SRPK2: variants seen among roughly 807,000 people sequenced by gnomAD.
SRPK2 encodes the protein SRSF protein kinase 2, also known as SFRS protein kinase 2.
SRPK2 carries 21 observed loss-of-function variants against 90.8 expected under a neutral mutation model. The observed-to-expected ratio is 0.23, with a 90% CI of 0.16 to 0.33. SRPK2 has a LOEUF of 0.33. Among genes scored for constraint, SRPK2 ranks in the 10% least tolerant of loss-of-function variants. The pLI, the probability that SRPK2 is intolerant of heterozygous loss-of-function variation, is 1.00. For synonymous variants in SRPK2, 288 were observed against 311.1 expected (o/e 0.93, Z 0.78); for missense variants, 620 against 869.0 (o/e 0.71, Z 3.60).
At chr7:105,316,041 TGAG>T (rs1812273527) in intron 2 of SRPK2, among the ~76,000 whole-genome samples, 1 of 135,492 alleles carries the variant, frequency 7.4e-6, no homozygotes. Flanking sequence ...TTTTTTTTTT[TGAG>T]ACTGAGTTTC....
At chr7:105,169,806 G>A (rs1790572919) in intron 3 of SRPK2, among the ~76,000 whole-genome samples, 1 of 152,096 alleles carries the variant, frequency 6.6e-6, no homozygotes, top group African/African-American at 2.4e-5. Context: ...ATGATAACTT[G>A]AGGTTCTCTA....
At chr7:105,281,879 A>G (rs761294147) in intron 2 of SRPK2, among the ~76,000 whole-genome samples, 2 of 152,200 alleles carry the variant, frequency 1.3e-5, no homozygotes, top group Non-Finnish European at 2.9e-5. Flanking sequence ...AGATGGCAAT[A>G]TTCCCCAAAT....
In SRPK2 at chr7:105,117,928, A is replaced by C; in HGVS notation, c.2010T>G (p.Phe670Leu). The change falls in exon 16 of 16, where the codon TTT (phenylalanine) becomes TTG (leucine). Residue 670 changes from phenylalanine (F) to leucine (L), a missense_variant. This residue lies in a region of SRPK2 where 71 missense variants were observed against 123.1 expected (regional missense o/e 0.58). Coordinates refer to ENST00000393651, the MANE Select transcript of SRPK2 (RefSeq NM_182692.3). ...CTAACATCGGGATCAGGAAATCTGT[A>C]AACTGTGCAGCATCTTCATGGGGCC... is the stretch of plus-strand genomic sequence containing the variant. ...YGWPHEDAAQ[F>L]TDFLIPMLEM... 6.2e-7 allele frequency: 1 copy of C among 1,614,212 alleles called. No individual in the cohort carries two copies. The highest frequency in any genetic ancestry group is 8.5e-7 in the Non-Finnish European group (1 of 1,180,030).
At position 105,169,275 on chromosome 7, in the gene SRPK2, C is replaced by CAAGA; in HGVS notation, c.230-14_230-11dup. On this transcript the variant is annotated splice_polypyrimidine_tract_variant and intron_variant, in intron 3 of 15. Transcript: ENST00000393651. ...ACTGGATGATATCCACCTTAAAAAA[C>CAAGA]AAGAAAGAAAGAAAAAAATTCAAAA... 8 of 1,601,836 alleles carry CAAGA rather than the reference C, an allele frequency of 5.0e-6. No individual in the cohort carries two copies. Among genetic ancestry groups the CAAGA allele is most frequent in the Non-Finnish European group, 6.8e-6 (8 of 1,172,598 alleles).
At chr7:105,279,003 A>G (rs1806903144) in intron 2 of SRPK2, among the ~76,000 whole-genome samples, 8 of 152,200 alleles carry the variant, frequency 5.3e-5, no homozygotes, top group Admixed American at 5.2e-4. Flanking sequence ...ATTTTTAAAT[A>G]AAATAGGCTT....
intron 2 of SRPK2, among the ~76,000 whole-genome samples, chr7:105,380,637 C>T (rs1054402952): frequency 2.0e-5 from 3 of 151,454 alleles, no homozygotes; most frequent in Non-Finnish European, 4.4e-5. Flanking sequence ...AATTCTCCCG[C>T]CTCACCCTCC....
At position 105,203,422 on chromosome 7, in the gene SRPK2, T is replaced by C. The variant is rs1358297726; in HGVS notation, c.229+206A>G. ...CAAATACATGTATTTTGTCTTACAA[T>C]TCTCTCTCATATCACTTAATATTTT... is the stretch of plus-strand genomic sequence containing the variant. On this transcript the variant is annotated intron_variant, in intron 3 of 15. Transcript: ENST00000393651. Among the ~76,000 whole-genome samples, 5 of 152,228 alleles carry C rather than the reference T, an allele frequency of 3.3e-5. No individual in the cohort carries two copies. In the East Asian group the frequency reaches 9.6e-4, roughly 29 times the overall value.
intron 2 of SRPK2, chr7:105,306,129 A>G (rs1367619717): frequency 6.0e-6 from 1 of 166,264 alleles, no homozygotes; most frequent in Non-Finnish European, 1.3e-5. Flanking sequence ...AGGTACCAAA[A>G]GAAGTAAGAG....
At chr7:105,301,987 G>A (rs1810606588) in intron 2 of SRPK2, 1 of 1,606,054 alleles carries the variant, frequency 6.2e-7, no homozygotes, top group Non-Finnish European at 8.5e-7. Flanking sequence ...AGCGTAAGCT[G>A]GCAGACAAAA....
At chr7:105,291,651 A>G (rs1043930907) in intron 2 of SRPK2, among the ~76,000 whole-genome samples, 1 of 152,076 alleles carries the variant, frequency 6.6e-6, no homozygotes. Flanking sequence ...AATTGCTTGA[A>G]CCCAGGGGGC....
At chr7:105,194,806 T>C (rs1009357554) in intron 3 of SRPK2, among the ~76,000 whole-genome samples, 2 of 152,114 alleles carry the variant, frequency 1.3e-5, no homozygotes, top group African/African-American at 4.8e-5. Flanking sequence ...AAAGCTATAG[T>C]AACCAGACCT....
chr7:105,274,147 G>A (rs1806184768), intron 2 of SRPK2, among the ~76,000 whole-genome samples: 1 of 152,104 alleles, frequency 6.6e-6, no homozygotes, highest in South Asian at 2.1e-4. Flanking sequence ...GATAAACACA[G>A]AAACTGACCT....
At chr7:105,242,673 G>A (rs1366355732) in intron 2 of SRPK2, among the ~76,000 whole-genome samples, 1 of 152,274 alleles carries the variant, frequency 6.6e-6, no homozygotes, top group South Asian at 2.1e-4. Context: ...TGAAACAAGT[G>A]ACAAAAACAA....
At chr7:105,259,212 C>A (rs1327913544) in intron 2 of SRPK2, among the ~76,000 whole-genome samples, 1 of 152,148 alleles carries the variant, frequency 6.6e-6, no homozygotes, top group Non-Finnish European at 1.5e-5. Context: ...AATCAATGTG[C>A]AAAAATCACA....
intron 2 of SRPK2, among the ~76,000 whole-genome samples, chr7:105,314,236 A>G (rs1298801234): frequency 6.6e-6 from 1 of 151,518 alleles, no homozygotes; most frequent in Non-Finnish European, 1.5e-5. Context: ...GGAGGTTGAG[A>G]TATGAAAATC....
intron 2 of SRPK2, among the ~76,000 whole-genome samples, chr7:105,324,810 C>T (rs1813377942): frequency 6.6e-6 from 1 of 152,154 alleles, no homozygotes; most frequent in South Asian, 2.1e-4. Flanking sequence ...TTGCTTGAGC[C>T]ACGGAGGCGG....
At chr7:105,362,892 G>A (rs1276512757) in intron 2 of SRPK2, among the ~76,000 whole-genome samples, 2 of 152,144 alleles carry the variant, frequency 1.3e-5, no homozygotes, top group South Asian at 4.1e-4. Context: ...TCCTTTGTAG[G>A]GACATGGATG....
At chr7:105,347,168 C>A (rs1245226348) in intron 2 of SRPK2, among the ~76,000 whole-genome samples, 1 of 151,592 alleles carries the variant, frequency 6.6e-6, no homozygotes, top group Admixed American at 6.6e-5. Context: ...AAGCAATCCT[C>A]CCACCTCTAC....
chr7:105,304,852 T>C (rs1810975450), intron 2 of SRPK2, among the ~76,000 whole-genome samples: 1 of 152,194 alleles, frequency 6.6e-6, no homozygotes, highest in Non-Finnish European at 1.5e-5. Flanking sequence ...ACATGCTGCC[T>C]ACAGATGCCC....
Sources: allele counts gnomAD v4.1 joint callset (sites outside exome capture counted in the v4.1 genomes callset), GRCh38; gene constraint gnomAD v4.1.1; regional missense constraint gnomAD v4.1.1; transcripts MANE v1.5; gene names NCBI Gene and HGNC (gene_info 2026-07-23, HGNC 2026-07-21).